Variants in DZANK1 observed in about 807,000 individuals in gnomAD.
DZANK1 encodes the protein double zinc ribbon and ankyrin repeat-containing protein 1.
DZANK1 carries 91 observed loss-of-function variants against 94.5 expected under a neutral mutation model. The observed-to-expected ratio is 0.96, with a 90% CI of 0.81 to 1.15. The LOEUF is 1.15. DZANK1 is among the 50% of genes most tolerant of loss of function. The probability of loss-of-function intolerance (pLI) is 0.00; values close to 1 mark genes in which losing one functional copy is unlikely to be tolerated. For missense variants in DZANK1, 903 were observed against 916.4 expected (o/e 0.99, Z 0.19); for synonymous variants, 312 against 325.3 (o/e 0.96, Z 0.44).
rs1056081705 is a variant in DZANK1 at position 18,437,695 on chromosome 20, T to C, written c.748-3930A>G. ...CTAAAATGGACTGTGATATACCCCA[T>C]CTTCCATGATGTGGTTATTATATAT... On this transcript the variant is annotated intron_variant, in intron 8 of 20. Coordinates refer to ENST00000262547, the Ensembl canonical transcript of DZANK1. 2.0e-5 allele frequency among the ~76,000 whole-genome samples: 3 copies of C among 152,182 alleles called. No individual in the cohort carries two copies. The East Asian group carries it at 5.8e-4, about 29-fold the overall frequency.
In DZANK1 at chr20:18,412,733, T is replaced by G. The variant is rs1202866973; in HGVS notation, c.1345A>C (p.Lys449Gln). 2.5e-6 allele frequency: 4 copies of G among 1,613,778 alleles called. No homozygotes were observed. In the South Asian group the frequency reaches 4.4e-5, roughly 18 times the overall value. ...TTTTGAGAGGCTAGTTCCTGTTCCT[T>G]TTTTGCTAGCAGCTTGCCAGATGGG... is the stretch of plus-strand genomic sequence containing the variant. The change falls in exon 13 of 21, where the codon AAG becomes CAG. Residue 449 changes from lysine to glutamine, a missense_variant. Transcript: ENST00000262547.
intron 7 of DZANK1, among the ~76,000 whole-genome samples, chr20:18,448,367 T>C (rs1024141853): frequency 6.6e-6 from 1 of 152,124 alleles, no homozygotes; most frequent in African/African-American, 2.4e-5. Flanking sequence ...AAATCAATAA[T>C]TGCCTGTGAT....
At chr20:18,464,143 G>T (rs1293841796) in intron 2 of DZANK1, among the ~76,000 whole-genome samples, 1 of 150,860 alleles carries the variant, frequency 6.6e-6, no homozygotes, top group Non-Finnish European at 1.5e-5. Flanking sequence ...GCGCCATCTC[G>T]GCTCACTGCA....
At chr20:18,412,686 A>G in exon 13 of DZANK1, 1 of 1,613,262 alleles carries the variant, frequency 6.2e-7, no homozygotes. Flanking sequence ...GTTTATGGTC[A>G]CTCATTTTCT....
intron 8 of DZANK1, among the ~76,000 whole-genome samples, chr20:18,437,306 C>T (rs1341625934): frequency 1.3e-5 from 2 of 152,182 alleles, no homozygotes. Flanking sequence ...GGGCCGGGTG[C>T]GATGGCTCAC....
At chr20:18,419,314 A>C (rs374230536) in intron 10 of DZANK1, among the ~76,000 whole-genome samples, 1 of 152,174 alleles carries the variant, frequency 6.6e-6, no homozygotes, top group African/African-American at 2.4e-5. Flanking sequence ...GATAATATCA[A>C]ACAATTCAAC....
intron 15 of DZANK1, 81 bp downstream of exon 15, chr20:18,396,391 T>C: frequency 8.4e-7 from 1 of 1,192,820 alleles, no homozygotes; most frequent in Non-Finnish European, 1.2e-6. Context: ...TTCTATGGAT[T>C]ACACAGAAGC....
chr20:18,432,644 A>G (rs557221298), intron 9 of DZANK1: 1 of 152,284 alleles, frequency 6.6e-6, no homozygotes, highest in East Asian at 1.9e-4. Flanking sequence ...CCCATATACA[A>G]CCCACAAGGC....
At chr20:18,443,840 T>C (rs2058791158) in intron 7 of DZANK1, among the ~76,000 whole-genome samples, 1 of 152,114 alleles carries the variant, frequency 6.6e-6, no homozygotes, top group Non-Finnish European at 1.5e-5. Context: ...ACATTATGCT[T>C]TTCTGACTTT....
At chr20:18,406,396 GC>G (rs1390690599) in intron 13 of DZANK1, among the ~76,000 whole-genome samples, 1 of 152,180 alleles carries the variant, frequency 6.6e-6, no homozygotes, top group African/African-American at 2.4e-5. Context: ...GAGCCGTAAG[GC>G]CCCCCTTCTA....
chr20:18,389,890 C>T, intron 18 of DZANK1, 62 bp from the exon 19 acceptor site: 6 of 1,600,416 alleles, frequency 3.7e-6, no homozygotes, highest in Middle Eastern at 1.7e-4. Flanking sequence ...CATCCAGTCG[C>T]CATCCTATGA....
intron 13 of DZANK1, among the ~76,000 whole-genome samples, chr20:18,408,362 G>A (rs1298935849): frequency 6.6e-6 from 1 of 152,076 alleles, no homozygotes; most frequent in Non-Finnish European, 1.5e-5. Flanking sequence ...TAGTATCAGA[G>A]AACTTCCCAA....
intron 10 of DZANK1, among the ~76,000 whole-genome samples, chr20:18,418,265 C>T (rs1429736884): frequency 6.6e-6 from 1 of 152,022 alleles, no homozygotes; most frequent in East Asian, 1.9e-4. Flanking sequence ...GGGCACAAGG[C>T]AGTATTTCTG....
At chr20:18,438,706 G>A (rs2058623490) in intron 8 of DZANK1, among the ~76,000 whole-genome samples, 3 of 152,196 alleles carry the variant, frequency 2.0e-5, no homozygotes, top group African/African-American at 7.2e-5. Context: ...AAAGTGGGTG[G>A]CTTGTAAACA....
intron 14 of DZANK1, 132 bp downstream of exon 14, chr20:18,398,391 T>G: frequency 1.3e-6 from 1 of 756,724 alleles, no homozygotes; most frequent in Non-Finnish European, 2.3e-6. Context: ...GGCAGAAGAG[T>G]AAGAAAGTGT....
At chr20:18,439,226 A>T (rs2058640805) in intron 8 of DZANK1, among the ~76,000 whole-genome samples, 1 of 152,182 alleles carries the variant, frequency 6.6e-6, no homozygotes, top group African/African-American at 2.4e-5. Flanking sequence ...TCCCCACTGC[A>T]CAGTCACTCA....
intron 3 of DZANK1, among the ~76,000 whole-genome samples, chr20:18,458,028 C>T (rs991690597): frequency 6.6e-6 from 1 of 152,118 alleles, no homozygotes; most frequent in Non-Finnish European, 1.5e-5. Context: ...CAAAAGTTAC[C>T]GCAGCCAGTG....
rs528902463 is a variant in DZANK1 at position 18,455,813 on chromosome 20, TCTCTC to T, written c.264-457_264-453del. On this transcript the variant is annotated intron_variant, in intron 3 of 20. Coordinates refer to ENST00000262547, the Ensembl canonical transcript of DZANK1. The stretch of plus-strand genomic sequence containing the variant: ...CTCCATCCCTCTGTCCCTCCCTCTC[TCTCTC>T]ATGTGGTTAGCTTGGGCTTCCTCAC... 2.2e-3 allele frequency among the ~76,000 whole-genome samples: 341 copies of T among 152,290 alleles called. 1 individual carries two copies. The highest frequency in any genetic ancestry group is 7.9e-3 in the African/African-American group (328 of 41,568).
chr20:18,400,138 T>C (rs1209493883), intron 13 of DZANK1, among the ~76,000 whole-genome samples: 1 of 152,200 alleles, frequency 6.6e-6, no homozygotes, highest in Non-Finnish European at 1.5e-5. Context: ...CAAGAGAACC[T>C]AAGTGTTCTT....
Sources: gnomAD v4.1 joint callset for allele counts (sites outside exome capture counted in the v4.1 genomes callset) on GRCh38, gnomAD v4.1.1 for gene constraint, MANE v1.5 for transcripts, NCBI Gene and HGNC (gene_info 2026-07-23, HGNC 2026-07-21) for gene names.